The following MRPL48 variants were observed in gnomAD, a reference collection of about 807,000 sequenced individuals.
The protein encoded by MRPL48 is large ribosomal subunit protein mL48.
In MRPL48, 16 loss-of-function variants were observed where a neutral mutation model predicts 32.9. That is an observed-to-expected ratio of 0.49 (90% CI 0.33 to 0.74). The LOEUF (loss-of-function observed/expected upper bound fraction) is 0.74, where lower values mean the gene tolerates loss of function less well. Ranked by LOEUF, MRPL48 falls within the 30% of genes least tolerant of loss-of-function variation. MRPL48 has a pLI of 0.02. For synonymous variants in MRPL48, 94 were observed against 89.2 expected, an observed-to-expected ratio of 1.05 and a Z score of -0.31; for missense variants, 206 against 245.3, an observed-to-expected ratio of 0.84 and a Z score of 1.07.
intron 3 of MRPL48, among the ~76,000 whole-genome samples, chr11:73,824,410 C>T (rs1390624771): frequency 6.6e-6 from 1 of 151,754 alleles, no homozygotes; most frequent in African/African-American, 2.4e-5. Context: ...CATGGTGAAA[C>T]CCCGACTCTA....
At chr11:73,843,582 G>C (rs571610379) in intron 4 of MRPL48, among the ~76,000 whole-genome samples, 1 of 152,136 alleles carries the variant, frequency 6.6e-6, no homozygotes, top group African/African-American at 2.4e-5. Flanking sequence ...GCAATATTTT[G>C]TATGACAGAA....
intron 1 of MRPL48, among the ~76,000 whole-genome samples, chr11:73,794,582 G>A (rs1947215604): frequency 2.0e-5 from 3 of 151,420 alleles, no homozygotes; most frequent in Admixed American, 2.0e-4. Flanking sequence ...ATTTAAATCA[G>A]GTCAGACAAA....
At chr11:73,789,891 A>C (rs1242689534) in intron 1 of MRPL48, among the ~76,000 whole-genome samples, 1 of 151,942 alleles carries the variant, frequency 6.6e-6, no homozygotes, top group Non-Finnish European at 1.5e-5. Context: ...GAATGACTGG[A>C]ACCTAGGCTT....
At chr11:73,854,054 T>C (rs965559360) in intron 5 of MRPL48, among the ~76,000 whole-genome samples, 5 of 152,200 alleles carry the variant, frequency 3.3e-5, no homozygotes, top group Non-Finnish European at 7.3e-5. Context: ...GTTACTATCA[T>C]ACCTACAGTG....
At chr11:73,853,660 G>T (rs1948436912) in intron 5 of MRPL48, among the ~76,000 whole-genome samples, 1 of 149,462 alleles carries the variant, frequency 6.7e-6, no homozygotes, top group African/African-American at 2.5e-5. Context: ...TTTTCAGCTG[G>T]CGGGAATTAG....
intron 3 of MRPL48, among the ~76,000 whole-genome samples, chr11:73,820,083 C>A (rs1430776108): frequency 6.6e-6 from 1 of 152,148 alleles, no homozygotes; most frequent in African/African-American, 2.4e-5. Context: ...CCAATCTAAT[C>A]TCCCTATTTC....
At chr11:73,812,927 TA>T in intron 3 of MRPL48, among the ~76,000 whole-genome samples, 2 of 150,558 alleles carry the variant, frequency 1.3e-5, no homozygotes, top group African/African-American at 2.4e-5. Flanking sequence ...TTTTTGTATT[TA>T]TTAGTAGAGA....
intron 4 of MRPL48, among the ~76,000 whole-genome samples, chr11:73,834,526 T>TG (rs202241986): frequency 1.6e-4 from 18 of 109,210 alleles, no homozygotes; most frequent in Admixed American, 5.1e-4. Context: ...TTGTTTTTGC[T>TG]GGTTTTTTTT....
intron 3 of MRPL48, among the ~76,000 whole-genome samples, chr11:73,817,237 A>C (rs1410589809): frequency 6.6e-6 from 1 of 152,092 alleles, no homozygotes; most frequent in Non-Finnish European, 1.5e-5. Flanking sequence ...ATAGTGCATA[A>C]TTTTTTCAAC....
At chr11:73,798,404 A>G (rs79439424) in intron 1 of MRPL48, among the ~76,000 whole-genome samples, 12,617 of 152,116 alleles carry the variant, frequency 0.083, 651 homozygotes, top group East Asian at 0.18. Flanking sequence ...AACAAAAACA[A>G]TTTTTAAAAG....
intron 4 of MRPL48, among the ~76,000 whole-genome samples, chr11:73,837,033 C>T (rs996500549): frequency 2.0e-5 from 3 of 152,200 alleles, no homozygotes; most frequent in African/African-American, 7.2e-5. Flanking sequence ...GCATACCTCA[C>T]AGCTCATTAT....
intron 4 of MRPL48, among the ~76,000 whole-genome samples, chr11:73,828,937 A>C (rs1244328822): frequency 6.6e-6 from 1 of 152,172 alleles, no homozygotes; most frequent in Non-Finnish European, 1.5e-5. Flanking sequence ...CCCACATAAA[A>C]TAGTGGGAAA....
chr11:73,834,912 A>G (rs1044049069), intron 4 of MRPL48, among the ~76,000 whole-genome samples: 2 of 151,102 alleles, frequency 1.3e-5, no homozygotes. Context: ...GCTCACTGCA[A>G]CCTCAAACTC....
intron 1 of MRPL48, among the ~76,000 whole-genome samples, chr11:73,801,167 C>CAG (rs1336613574): frequency 6.6e-6 from 1 of 152,172 alleles, no homozygotes. Flanking sequence ...GGTTATTGTA[C>CAG]AGACTCAGAA....
At chr11:73,803,320 G>A (rs902691945) in intron 1 of MRPL48, among the ~76,000 whole-genome samples, 20 of 150,340 alleles carry the variant, frequency 1.3e-4, no homozygotes, top group Non-Finnish European at 1.9e-4. Context: ...TGGGAGAGAC[G>A]GGGTTTCACC....
At chr11:73,856,710 C>T (rs1340280844) in intron 5 of MRPL48, among the ~76,000 whole-genome samples, 1 of 152,076 alleles carries the variant, frequency 6.6e-6, no homozygotes, top group Non-Finnish European at 1.5e-5. Context: ...GTGAAGCTCC[C>T]CAGCACCCTA....
At chr11:73,811,511 G>A (rs756835433) in intron 3 of MRPL48, among the ~76,000 whole-genome samples, 2 of 152,010 alleles carry the variant, frequency 1.3e-5, no homozygotes, top group Non-Finnish European at 2.9e-5. Context: ...AAATATAGAA[G>A]AGTAAAAGAG....
chr11:73,796,046 C>T (rs1947248707), intron 1 of MRPL48, among the ~76,000 whole-genome samples: 1 of 152,232 alleles, frequency 6.6e-6, no homozygotes, highest in Non-Finnish European at 1.5e-5. Flanking sequence ...TCTGGATTGG[C>T]CGCTGCCATC....
intron 3 of MRPL48, among the ~76,000 whole-genome samples, chr11:73,810,377 C>T (rs528804304): frequency 6.6e-6 from 1 of 151,920 alleles, no homozygotes; most frequent in Non-Finnish European, 1.5e-5. Flanking sequence ...CAAAATTAGC[C>T]GGGCATGGTG....
Sources: gnomAD v4.1 joint callset for allele counts (sites outside exome capture counted in the v4.1 genomes callset) on GRCh38, gnomAD v4.1.1 for gene constraint, MANE v1.5 for transcripts, NCBI Gene and HGNC (gene_info 2026-07-23, HGNC 2026-07-21) for gene names.